Variants in NHS observed in about 807,000 individuals in gnomAD.
NHS encodes the protein actin remodeling regulator NHS.
NHS carries 5 observed loss-of-function variants against 72.5 expected under a neutral mutation model. The ratio of observed to expected loss-of-function variants is 0.07; its 90% CI spans 0.04 to 0.14. The LOEUF is 0.14. Among genes scored for constraint, NHS ranks in the 10% least tolerant of loss-of-function variants. NHS has a pLI of 1.00. For missense variants in NHS, 1,072 were observed against 1,355.7 expected, an observed-to-expected ratio of 0.79 and a Z score of 3.29; for synonymous variants, 464 against 547.7, an observed-to-expected ratio of 0.85 and a Z score of 2.13.
At chrX:17,491,352 G>T (rs1053671969) in intron 1 of NHS, among the ~76,000 whole-genome samples, 1 of 111,700 alleles carries the variant, frequency 9.0e-6, no homozygotes, top group Admixed American at 9.5e-5. Flanking sequence ...TTTATTGAAG[G>T]CCTTGTCTGC....
chrX:17,698,909 G>A (rs1246902639), intron 3 of NHS, among the ~76,000 whole-genome samples: 4 of 110,764 alleles, frequency 3.6e-5, no homozygotes, highest in African/African-American at 1.3e-4. Flanking sequence ...AATTAGAAAT[G>A]CCCCTAATGT....
intron 1 of NHS, among the ~76,000 whole-genome samples, chrX:17,672,215 T>G (rs1671229004): frequency 8.9e-6 from 1 of 112,039 alleles, no homozygotes; most frequent in African/African-American, 3.3e-5. Context: ...GTGTCCAAAA[T>G]GGGTTTTGCC....
intron 3 of NHS, among the ~76,000 whole-genome samples, chrX:17,714,774 T>C (rs974432649): frequency 2.7e-5 from 3 of 112,240 alleles, no homozygotes; most frequent in Non-Finnish European, 5.6e-5. Flanking sequence ...ATAAGTTTGA[T>C]CAGCATCCAG....
chrX:17,667,171 CTTT>C (rs2066018012), intron 1 of NHS, among the ~76,000 whole-genome samples: 1 of 112,634 alleles, frequency 8.9e-6, no homozygotes, highest in African/African-American at 3.2e-5. Flanking sequence ...GCCTTTCAGG[CTTT>C]AATATTTATA....
At chrX:17,725,234 G>GA (rs10712155) in intron 6 of NHS, 113 bp from the exon 7 acceptor site, 31,670 of 433,765 alleles carry the variant, frequency 0.073, no homozygotes, top group Non-Finnish European at 0.082. Context: ...TTCTGTTAAA[G>GA]AAAAAAAAAA....
At chrX:17,524,783 C>T (rs1354360480) in intron 1 of NHS, among the ~76,000 whole-genome samples, 1 of 112,277 alleles carries the variant, frequency 8.9e-6, no homozygotes, top group Non-Finnish European at 1.9e-5. Context: ...TGTTCTTTTT[C>T]CTTTTGTAAT....
In NHS at chrX:17,429,257, T is replaced by TGC. The variant is rs1555987967; in HGVS notation, c.565+52936_565+52937dup. 2.2e-3 allele frequency among the ~76,000 whole-genome samples: 234 copies of TGC among 106,526 alleles called. 4 individuals carry two copies. The highest frequency in any genetic ancestry group is 7.5e-3 in the African/African-American group (217 of 28,743). The allele number at this position is 106,526 out of a possible 115,157, so 92.5% of individuals were successfully genotyped here. A position where few individuals can be genotyped will look rare whatever the true frequency, so the allele number is the denominator to read the frequency against. ...GTGTGTGTGTGTGTGTGTGTGTGTG[T>TGC]GCACACGTGCGCGCGCGCTATACAG... On this transcript the variant is annotated intron_variant, in intron 1 of 8. Transcript: ENST00000676302.
rs577310499 is a variant in NHS at position 17,494,280 on chromosome X, T to C, written c.565+117958T>C. On this transcript the variant is annotated intron_variant, in intron 1 of 8. Coordinates refer to ENST00000676302, the MANE Select transcript of NHS (RefSeq NM_001291867.2). ...TTTTGGTAGAGACGGTGTTTTACCATGTTGGCCAGGCTAGTTTCAAATTCC... is the reference window on the plus strand; with the variant it reads ...TTTTGGTAGAGACGGTGTTTTACCACGTTGGCCAGGCTAGTTTCAAATTCC... Among the ~76,000 whole-genome samples the C allele has an allele frequency of 3.7e-5, 4 of 108,949 alleles. No individual in the cohort carries two copies. In the South Asian group the frequency reaches 1.7e-3, roughly 45 times the overall value. 94.6% of individuals were successfully genotyped at this position (108,949 alleles called of 115,157 possible). A position where few individuals can be genotyped will look rare whatever the true frequency, so the allele number is the denominator to read the frequency against.
intron 1 of NHS, among the ~76,000 whole-genome samples, chrX:17,442,483 C>T (rs1408363314): frequency 1.8e-5 from 2 of 112,517 alleles, no homozygotes; most frequent in African/African-American, 6.5e-5. Flanking sequence ...TACTTAACTG[C>T]AAGAAAGTCT....
intron 1 of NHS, among the ~76,000 whole-genome samples, chrX:17,685,142 C>G (rs892775935): frequency 1.5e-4 from 17 of 111,641 alleles, no homozygotes; most frequent in African/African-American, 4.9e-4. Flanking sequence ...CCTGGAAGAG[C>G]TCCATTAGTG....
intron 1 of NHS, among the ~76,000 whole-genome samples, chrX:17,476,444 C>T (rs1269955094): frequency 9.0e-6 from 1 of 111,623 alleles, no homozygotes; most frequent in Non-Finnish European, 1.9e-5. Context: ...GAGCTTAACA[C>T]GTGGGCACAT....
At chrX:17,412,587 G>A (rs1452200656) in intron 1 of NHS, among the ~76,000 whole-genome samples, 1 of 111,400 alleles carries the variant, frequency 9.0e-6, no homozygotes, top group Non-Finnish European at 1.9e-5. Context: ...ATGGGAGTGA[G>A]ACCCTGTCTT....
rs1241577066 is a variant in NHS at position 17,733,020 on chromosome X, T to A, written c.*556T>A. 1 of 118,123 alleles carries A rather than the reference T, an allele frequency of 8.5e-6. No individual in the cohort carries two copies. The highest frequency in any genetic ancestry group is 1.8e-5 in the Non-Finnish European group (1 of 56,143). The allele number at this position is 118,123 out of a possible 1,213,427, so 9.7% of individuals were successfully genotyped here. A position where few individuals can be genotyped will look rare whatever the true frequency, so the allele number is the denominator to read the frequency against. ...CAACTGTTTATAGAATACACAAAAA[T>A]AAAATGTAATAACTGTATTCTGTGA... On this transcript the variant is annotated 3_prime_UTR_variant, in exon 9 of 9. Coordinates refer to ENST00000676302, the MANE Select transcript of NHS (RefSeq NM_001291867.2).
intron 1 of NHS, among the ~76,000 whole-genome samples, chrX:17,476,603 G>T (rs1464959299): frequency 9.0e-6 from 1 of 111,095 alleles, no homozygotes; most frequent in Non-Finnish European, 1.9e-5. Flanking sequence ...TGTGTGTGGG[G>T]GTAACACTAC....
chrX:17,635,473 CT>C, intron 1 of NHS: 2 of 1,167,242 alleles, frequency 1.7e-6, no homozygotes, highest in Non-Finnish European at 1.1e-6. Flanking sequence ...TGCTTGCTGA[CT>C]TAAGCAGATC....
At chrX:17,567,999 C>G (rs1431723674) in intron 1 of NHS, among the ~76,000 whole-genome samples, 1 of 111,904 alleles carries the variant, frequency 8.9e-6, no homozygotes, top group African/African-American at 3.3e-5. Flanking sequence ...CCTCCCCCAC[C>G]ACCCAGTCCT....
At chrX:17,683,610 C>T (rs184430022) in intron 1 of NHS, among the ~76,000 whole-genome samples, 95 of 111,415 alleles carry the variant, frequency 8.5e-4, no homozygotes, top group African/African-American at 2.7e-3. Flanking sequence ...GAGTTGTGTG[C>T]GGGTACCATG....
chrX:17,492,455 T>C lies in NHS; in HGVS notation c.565+116133T>C, dbSNP rs145248346. On this transcript the variant is annotated intron_variant, in intron 1 of 8. Coordinates refer to ENST00000676302, the MANE Select transcript of NHS (RefSeq NM_001291867.2). ...GTAGTTGTGCAGTTTTGAGTGACTT[T>C]CTTCATCCTGAGTTCTAATTTGATT... is the stretch of plus-strand genomic sequence containing the variant. Among the ~76,000 whole-genome samples the C allele has an allele frequency of 6.5e-3, 729 of 112,614 alleles. 10 individuals carry two copies. The highest frequency in any genetic ancestry group is 0.022 in the African/African-American group (696 of 31,047).
chrX:17,635,586 T>A, intron 1 of NHS: 1 of 1,166,835 alleles, frequency 8.6e-7, no homozygotes, highest in Non-Finnish European at 1.1e-6. Flanking sequence ...GCCTGCTGCA[T>A]GCCCAAGAAT....
Sources: allele counts gnomAD v4.1 joint callset (sites outside exome capture counted in the v4.1 genomes callset), GRCh38; gene constraint gnomAD v4.1.1; transcripts MANE v1.5; gene names NCBI Gene and HGNC (gene_info 2026-07-23, HGNC 2026-07-21).